Variants in ANKS1B observed in about 807,000 individuals in gnomAD.
The protein encoded by ANKS1B is ankyrin repeat and sterile alpha motif domain-containing protein 1B.
In ANKS1B, 36 loss-of-function variants were observed where a neutral mutation model predicts 148.3. That is an observed-to-expected ratio of 0.24 (90% CI 0.19 to 0.32). ANKS1B has a LOEUF of 0.32. Among genes scored for constraint, ANKS1B ranks in the 10% least tolerant of loss-of-function variants. The probability of loss-of-function intolerance (pLI) is 1.00; values close to 1 mark genes in which losing one functional copy is unlikely to be tolerated. For missense variants in ANKS1B, 1,157 were observed against 1,542.6 expected, an observed-to-expected ratio of 0.75 and a Z score of 4.19; for synonymous variants, 542 against 560.8, an observed-to-expected ratio of 0.97 and a Z score of 0.47.
intron 1 of ANKS1B, among the ~76,000 whole-genome samples, chr12:99,911,774 T>G (rs1231657086): frequency 6.6e-6 from 1 of 152,144 alleles, no homozygotes; most frequent in South Asian, 2.1e-4. Context: ...CCTCCCACTT[T>G]GAAGAAAATC....
chr12:99,071,915 G>A (rs61933373), intron 16 of ANKS1B, among the ~76,000 whole-genome samples: 14,519 of 152,172 alleles, frequency 0.095, 872 homozygotes, highest in South Asian at 0.22. Flanking sequence ...AAAGTGCTGG[G>A]ATTACAGGTA....
intron 8 of ANKS1B, among the ~76,000 whole-genome samples, chr12:99,729,162 CATT>C (rs1231535074): frequency 6.6e-6 from 1 of 152,146 alleles, no homozygotes; most frequent in African/African-American, 2.4e-5. Context: ...AAATTTCTCA[CATT>C]TTATAAGAAG....
At chr12:99,294,780 A>T (rs2080603503) in intron 12 of ANKS1B, among the ~76,000 whole-genome samples, 1 of 152,164 alleles carries the variant, frequency 6.6e-6, no homozygotes, top group East Asian at 1.9e-4. Context: ...CGGTCTCCCA[A>T]GTAGCTGGGA....
intron 15 of ANKS1B, among the ~76,000 whole-genome samples, chr12:99,088,720 G>A (rs2052849258): frequency 6.6e-6 from 1 of 151,844 alleles, no homozygotes; most frequent in Non-Finnish European, 1.5e-5. Flanking sequence ...TTTGGCACCT[G>A]GGTGACAGTT....
chr12:99,626,814 C>G (rs528586279), intron 9 of ANKS1B, among the ~76,000 whole-genome samples: 10 of 152,274 alleles, frequency 6.6e-5, no homozygotes, highest in Non-Finnish European at 1.2e-4. Flanking sequence ...CTGAGCAGCA[C>G]TAGACCGCAG....
At chr12:99,348,652 C>A (rs1390317779) in intron 12 of ANKS1B, among the ~76,000 whole-genome samples, 2 of 151,734 alleles carry the variant, frequency 1.3e-5, no homozygotes. Context: ...ATTTAAATTG[C>A]TGAAAGAGAA....
At chr12:99,135,243 G>A (rs2067617831) in intron 15 of ANKS1B, among the ~76,000 whole-genome samples, 1 of 152,022 alleles carries the variant, frequency 6.6e-6, no homozygotes. Context: ...ACAAAGAGTT[G>A]GTAAATGTGA....
At chr12:99,765,371 T>C (rs2062550084) in intron 8 of ANKS1B, among the ~76,000 whole-genome samples, 1 of 152,220 alleles carries the variant, frequency 6.6e-6, no homozygotes, top group African/African-American at 2.4e-5. Flanking sequence ...AGTAGCTACA[T>C]CTCACTGCTG....
chr12:98,940,101 G>A (rs772271390), intron 17 of ANKS1B, among the ~76,000 whole-genome samples: 7 of 152,300 alleles, frequency 4.6e-5, no homozygotes, highest in Non-Finnish European at 4.4e-5. Flanking sequence ...CACTGTGAAC[G>A]GGCCTGCAGT....
chr12:98,787,393 C>A (rs2098805174), intron 22 of ANKS1B, among the ~76,000 whole-genome samples: 1 of 152,188 alleles, frequency 6.6e-6, no homozygotes, highest in Non-Finnish European at 1.5e-5. Flanking sequence ...GGTCTGCTTG[C>A]TTCCCTATAG....
intron 14 of ANKS1B, among the ~76,000 whole-genome samples, chr12:99,166,658 T>C (rs574087624): frequency 6.6e-6 from 1 of 152,150 alleles, no homozygotes; most frequent in South Asian, 2.1e-4. Context: ...ATTGGCACAG[T>C]CAACATTGTT....
intron 9 of ANKS1B, among the ~76,000 whole-genome samples, chr12:99,591,285 T>C (rs765309169): frequency 3.3e-5 from 5 of 151,964 alleles, no homozygotes; most frequent in Non-Finnish European, 7.4e-5. Context: ...CGAATTAGAA[T>C]AAAAATTAAT....
intron 12 of ANKS1B, among the ~76,000 whole-genome samples, chr12:99,379,049 A>G (rs887535864): frequency 6.6e-6 from 1 of 152,250 alleles, no homozygotes; most frequent in African/African-American, 2.4e-5. Context: ...CAAGAGGAAC[A>G]GTACTTGAAT....
At chr12:98,867,520 C>T (rs949684017) in intron 17 of ANKS1B, among the ~76,000 whole-genome samples, 3 of 152,206 alleles carry the variant, frequency 2.0e-5, no homozygotes, top group African/African-American at 7.2e-5. Flanking sequence ...CAGCTGTCAT[C>T]TTCATTTCTT....
intron 1 of ANKS1B, among the ~76,000 whole-genome samples, chr12:99,862,230 C>A (rs1001874634): frequency 1.3e-5 from 2 of 151,970 alleles, no homozygotes; most frequent in Non-Finnish European, 2.9e-5. Flanking sequence ...TGCTCTTATG[C>A]ATCAAAGAGG....
chr12:98,950,030 G>C (rs1218340288), intron 17 of ANKS1B, among the ~76,000 whole-genome samples: 3 of 152,206 alleles, frequency 2.0e-5, no homozygotes, highest in African/African-American at 7.2e-5. Context: ...GAATTGAAAG[G>C]CTGAAGGAGG....
chr12:99,468,597 AAAAC>A (rs1370401922), intron 10 of ANKS1B, among the ~76,000 whole-genome samples: 1 of 152,196 alleles, frequency 6.6e-6, no homozygotes, highest in Non-Finnish European at 1.5e-5. Flanking sequence ...TTACAAGAAC[AAAAC>A]AAACAACCCC....
chr12:99,434,832 C>T (rs948015635), intron 11 of ANKS1B, among the ~76,000 whole-genome samples: 2 of 151,984 alleles, frequency 1.3e-5, no homozygotes, highest in Non-Finnish European at 2.9e-5. Context: ...CTGAGCCAAA[C>T]AATGACACCC....
chr12:99,532,200 ATTCAATCACATTTATTTTTGT>A, intron 9 of ANKS1B, among the ~76,000 whole-genome samples: 1 of 152,266 alleles, frequency 6.6e-6, no homozygotes, highest in Non-Finnish European at 1.5e-5. Flanking sequence ...TTTTCATTTA[ATTCAATCACATTTATTTTTGT>A]TTTGTTGGAT....
Sources: allele counts gnomAD v4.1 joint callset (sites outside exome capture counted in the v4.1 genomes callset), GRCh38; gene constraint gnomAD v4.1.1; transcripts MANE v1.5; gene names NCBI Gene and HGNC (gene_info 2026-07-23, HGNC 2026-07-21).